The following ARHGAP25 variants were observed in gnomAD, a reference collection of about 807,000 sequenced individuals.
ARHGAP25 encodes the protein Rho GTPase activating protein 25.
ARHGAP25 carries 34 observed loss-of-function variants against 71.0 expected under a neutral mutation model. The ratio of observed to expected loss-of-function variants is 0.48; its 90% CI spans 0.36 to 0.64. The LOEUF (loss-of-function observed/expected upper bound fraction) is 0.64, where lower values mean the gene tolerates loss of function less well. ARHGAP25 is among the 30% of genes least tolerant of loss of function. The pLI is 0.00. For synonymous variants in ARHGAP25, 282 were observed against 296.5 expected (o/e 0.95, Z 0.50); for missense variants, 706 against 805.1 (o/e 0.88, Z 1.49).
chr2:68,774,540 TACAGC>T (rs1677697986), intron 1 of ARHGAP25, among the ~76,000 whole-genome samples: 1 of 152,182 alleles, frequency 6.6e-6, no homozygotes, highest in African/African-American at 2.4e-5. Flanking sequence ...GAGCGCCTTG[TACAGC>T]ATAAAGGGCT....
At chr2:68,796,783 G>T (rs952316930) in intron 4 of ARHGAP25, among the ~76,000 whole-genome samples, 2 of 152,158 alleles carry the variant, frequency 1.3e-5, no homozygotes, top group African/African-American at 2.4e-5. Context: ...TTGGGCCTGT[G>T]GGGGGCTTTT....
intron 2 of ARHGAP25, among the ~76,000 whole-genome samples, chr2:68,714,344 T>C (rs968395817): frequency 6.6e-6 from 1 of 152,182 alleles, no homozygotes; most frequent in Non-Finnish European, 1.5e-5. Flanking sequence ...CCTTTTTCAT[T>C]TTTTATTGCA....
chr2:68,774,954 G>C (rs781263876), intron 1 of ARHGAP25: 1 of 1,416,006 alleles, frequency 7.1e-7, no homozygotes, highest in Non-Finnish European at 9.2e-7. Flanking sequence ...GACGGGGCCC[G>C]CCGCGGTGCC....
intron 3 of ARHGAP25, among the ~76,000 whole-genome samples, chr2:68,784,818 G>A (rs1034499393): frequency 6.6e-6 from 1 of 152,170 alleles, no homozygotes; most frequent in African/African-American, 2.4e-5. Context: ...AAATATATGG[G>A]CAAATTATGT....
rs575224841 is a variant in ARHGAP25, at chr2:68,737,547, A to G, written c.61+2287A>G. On this transcript the variant is annotated intron_variant, in intron 1 of 10. Transcript: ENST00000409202. ...TTGTGACAAATAAAACTGTCTTTAC[A>G]TATAGCCAAGTGTTCCTTGGGGATG... Among the ~76,000 whole-genome samples the G allele has an allele frequency of 5.9e-4, 90 of 152,308 alleles. 1 individual carries two copies. The highest frequency in any genetic ancestry group is 2.0e-3 in the African/African-American group (83 of 41,554).
intron 9 of ARHGAP25, among the ~76,000 whole-genome samples, chr2:68,821,315 G>A (rs1681647638): frequency 6.6e-6 from 1 of 151,984 alleles, no homozygotes; most frequent in African/African-American, 2.4e-5. Context: ...GCCCAGCCTG[G>A]CCTTGAACTC....
chr2:68,814,734 T>A (rs894475116), intron 6 of ARHGAP25, among the ~76,000 whole-genome samples: 2 of 152,220 alleles, frequency 1.3e-5, no homozygotes, highest in East Asian at 3.8e-4. Flanking sequence ...GAGAGCATCA[T>A]GATTTGAATA....
intron 1 of ARHGAP25, among the ~76,000 whole-genome samples, chr2:68,769,250 G>T (rs894739974): frequency 6.6e-6 from 1 of 151,766 alleles, no homozygotes; most frequent in African/African-American, 2.4e-5. Context: ...CTCTCATTTA[G>T]AATAAAATTG....
chr2:68,759,208 C>G (rs934032317), intron 1 of ARHGAP25, among the ~76,000 whole-genome samples: 9 of 150,634 alleles, frequency 6.0e-5, no homozygotes, highest in African/African-American at 1.9e-4. Flanking sequence ...CCAGAGCTAG[C>G]AGAAGGAAGG....
chr2:68,754,134 A>T (rs1676344548), intron 1 of ARHGAP25, among the ~76,000 whole-genome samples: 1 of 152,072 alleles, frequency 6.6e-6, no homozygotes, highest in Non-Finnish European at 1.5e-5. Flanking sequence ...CGATCTCCTG[A>T]CCATTTTGAA....
At chr2:68,805,828 G>A (rs748335717) in intron 4 of ARHGAP25, among the ~76,000 whole-genome samples, 2 of 152,180 alleles carry the variant, frequency 1.3e-5, no homozygotes, top group Non-Finnish European at 2.9e-5. Flanking sequence ...TTTGCAAACG[G>A]ATGTCCTAGG....
chr2:68,816,407 G>C (rs2271832), intron 7 of ARHGAP25, 45 bp downstream of exon 7: 1,024,540 of 1,502,036 alleles, frequency 0.68, 351,656 homozygotes, highest in Non-Finnish European at 0.71. Context: ...AACCCCATCA[G>C]AAAGAAGCTC....
intron 2 of ARHGAP25, among the ~76,000 whole-genome samples, chr2:68,721,677 C>T (rs1310567750): frequency 6.6e-6 from 1 of 152,216 alleles, no homozygotes; most frequent in African/African-American, 2.4e-5. Flanking sequence ...CTGGCAGCAC[C>T]CTGCTGAGCA....
intron 5 of ARHGAP25, among the ~76,000 whole-genome samples, chr2:68,810,087 C>T (rs1450083592): frequency 1.3e-5 from 2 of 150,306 alleles, no homozygotes; most frequent in Non-Finnish European, 3.0e-5. Context: ...GCCGTTGAAC[C>T]CAGAAGCCAC....
chr2:68,757,950 A>G (rs1676580694), intron 1 of ARHGAP25, among the ~76,000 whole-genome samples: 1 of 152,074 alleles, frequency 6.6e-6, no homozygotes. Flanking sequence ...ATTCTGAGAC[A>G]TCTGCAACTT....
rs978549176 is a variant in ARHGAP25, at chr2:68,818,067, A to G, written c.1003+73A>G. 30 of 1,574,878 alleles carry G rather than the reference A, an allele frequency of 1.9e-5. 1 individual carries two copies. In the African/African-American group the frequency reaches 2.7e-4, roughly 14 times the overall value. On this transcript the variant is annotated intron_variant, in intron 8 of 10. Coordinates refer to ENST00000409202, the MANE Select transcript of ARHGAP25 (RefSeq NM_001007231.3). ...ACAACATTCCCCCTGATATTTGTGCACTGCTCTGTAGTTTCCCAAGCATTT... is the reference window on the plus strand; with the variant it reads ...ACAACATTCCCCCTGATATTTGTGCGCTGCTCTGTAGTTTCCCAAGCATTT...
chr2:68,730,551 A>G (rs1209779628), upstream of ARHGAP25, among the ~76,000 whole-genome samples: 1 of 152,024 alleles, frequency 6.6e-6, no homozygotes, highest in Non-Finnish European at 1.5e-5. Context: ...TCCATAGGCC[A>G]AGGCGTGAGG....
chr2:68,727,573 C>T (rs1573382384), intron 2 of ARHGAP25, among the ~76,000 whole-genome samples: 1 of 152,178 alleles, frequency 6.6e-6, no homozygotes, highest in African/African-American at 2.4e-5. Context: ...TGTGCCATGG[C>T]CAGGGACCTC....
chr2:68,826,302 A>G lies in ARHGAP25; in HGVS notation c.*108A>G, dbSNP rs1343409142. 14 of 1,046,182 alleles carry G rather than the reference A, an allele frequency of 1.3e-5. No homozygotes were observed. Among genetic ancestry groups the G allele is most frequent in the Non-Finnish European group, 2.1e-5 (14 of 682,080 alleles). 64.8% of individuals were successfully genotyped at this position (1,046,182 alleles called of 1,614,324 possible). A position where few individuals can be genotyped will look rare whatever the true frequency, so the allele number is the denominator to read the frequency against. On this transcript the variant is annotated 3_prime_UTR_variant, in exon 11 of 11. Transcript: ENST00000409202. ...AAAATTATTCTCTGAGAGGGAAAGG[A>G]CATTTGAGGGAAACATCAAATTTCC...
Sources: gnomAD v4.1 joint callset for allele counts (sites outside exome capture counted in the v4.1 genomes callset) on GRCh38, gnomAD v4.1.1 for gene constraint, MANE v1.5 for transcripts, NCBI Gene and HGNC (gene_info 2026-07-23, HGNC 2026-07-21) for gene names.